Variants in PRICKLE2 observed in about 807,000 individuals in gnomAD.
PRICKLE2 encodes prickle planar cell polarity protein 2.
A neutral mutation model predicts 81.4 loss-of-function variants in PRICKLE2; 21 were observed. The observed-to-expected ratio is 0.26, with a 90% CI of 0.18 to 0.37. PRICKLE2 has a LOEUF of 0.37. PRICKLE2 is among the 10% of genes least tolerant of loss of function. The pLI is 1.00. For missense variants in PRICKLE2, 940 were observed against 1,109.0 expected, an observed-to-expected ratio of 0.85 and a Z score of 2.16; for synonymous variants, 456 against 421.5, an observed-to-expected ratio of 1.08 and a Z score of -1.00.
intron 2 of PRICKLE2, among the ~76,000 whole-genome samples, chr3:64,193,276 T>C (rs2078380699): frequency 6.6e-6 from 1 of 152,154 alleles, no homozygotes; most frequent in South Asian, 2.1e-4. Flanking sequence ...GGGTCCATTC[T>C]CCTTTGCACA....
rs557877956 is a variant in PRICKLE2, at chr3:64,219,283, C to T, written c.-41+5627G>A. On this transcript the variant is annotated intron_variant, in intron 1 of 7. Coordinates refer to ENST00000638394, the MANE Select transcript of PRICKLE2 (RefSeq NM_198859.4). ...ACATATAGATCACCTGATTTAGGAC[C>T]TTCATGTTCAAGATGAAAGAACTGA... Among the ~76,000 whole-genome samples, 14 of 152,276 alleles carry T rather than the reference C, an allele frequency of 9.2e-5. No individual in the cohort carries two copies. The South Asian group carries it at 2.9e-3, about 32-fold the overall frequency.
chr3:64,265,626 C>T (rs924728793), intron 2 of PRICKLE2, among the ~76,000 whole-genome samples: 6 of 152,250 alleles, frequency 3.9e-5, no homozygotes, highest in Non-Finnish European at 5.9e-5. Context: ...TGCCTCTTAC[C>T]GTCTTTTCAT....
chr3:64,151,910 C>T (rs1021823114), intron 6 of PRICKLE2, among the ~76,000 whole-genome samples: 10 of 152,196 alleles, frequency 6.6e-5, no homozygotes, highest in South Asian at 6.2e-4. Flanking sequence ...GGAAATTTGC[C>T]ATCACCTAAG....
chr3:64,173,963 G>A (rs1409717973), intron 2 of PRICKLE2, among the ~76,000 whole-genome samples: 1 of 152,090 alleles, frequency 6.6e-6, no homozygotes, highest in East Asian at 1.9e-4. Context: ...GTATTGGCAG[G>A]TGTTTTGTTT....
At chr3:64,264,487 C>G (rs1233873056) in intron 2 of PRICKLE2, among the ~76,000 whole-genome samples, 2 of 152,160 alleles carry the variant, frequency 1.3e-5, no homozygotes, top group Non-Finnish European at 2.9e-5. Flanking sequence ...TTGGCAAAAG[C>G]TCAGTAAGTT....
chr3:64,120,340 C>A (rs554493969), intron 7 of PRICKLE2, among the ~76,000 whole-genome samples: 1 of 152,244 alleles, frequency 6.6e-6, no homozygotes, highest in African/African-American at 2.4e-5. Flanking sequence ...GCTCTTTATA[C>A]TTTTTAAGAG....
intron 1 of PRICKLE2, among the ~76,000 whole-genome samples, chr3:64,212,270 A>G (rs1032527458): frequency 6.6e-6 from 1 of 152,166 alleles, no homozygotes; most frequent in Non-Finnish European, 1.5e-5. Context: ...CTCCTTCTAG[A>G]TATATTTCTC....
At chr3:64,228,603 C>T (rs1427100166), upstream of PRICKLE2, among the ~76,000 whole-genome samples, 7 of 151,428 alleles carry the variant, frequency 4.6e-5, no homozygotes, top group Non-Finnish European at 7.4e-5. Flanking sequence ...TTAAAAATTT[C>T]AGAGACTTAG....
intron 7 of PRICKLE2, among the ~76,000 whole-genome samples, chr3:64,129,113 G>C (rs2077161200): frequency 6.6e-6 from 1 of 152,138 alleles, no homozygotes; most frequent in Non-Finnish European, 1.5e-5. Context: ...TTGGGGCAGG[G>C]ATCAGGGCGT....
At chr3:64,133,614 G>A (rs974951821) in intron 7 of PRICKLE2, among the ~76,000 whole-genome samples, 3 of 152,140 alleles carry the variant, frequency 2.0e-5, no homozygotes, top group African/African-American at 4.8e-5. Flanking sequence ...ATCAGTGCAG[G>A]AAGGCTGAGC....
At chr3:64,209,629 C>T (rs904029791) in intron 1 of PRICKLE2, among the ~76,000 whole-genome samples, 10 of 152,210 alleles carry the variant, frequency 6.6e-5, no homozygotes, top group African/African-American at 2.4e-4. Flanking sequence ...CAACCAACTG[C>T]CCACCCACTC....
At chr3:64,243,118 G>A (rs1422400920) in intron 2 of PRICKLE2, among the ~76,000 whole-genome samples, 1 of 152,162 alleles carries the variant, frequency 6.6e-6, no homozygotes, top group Admixed American at 6.6e-5. Flanking sequence ...TGAAGTGCAT[G>A]TGTGCAAAAA....
chr3:64,238,610 C>T (rs1321414850), intron 2 of PRICKLE2, among the ~76,000 whole-genome samples: 1 of 152,076 alleles, frequency 6.6e-6, no homozygotes, highest in African/African-American at 2.4e-5. Flanking sequence ...GAGAAAAGGT[C>T]CCCTGCTGCC....
At chr3:64,217,853 A>G (rs1439086170) in intron 1 of PRICKLE2, among the ~76,000 whole-genome samples, 3 of 152,230 alleles carry the variant, frequency 2.0e-5, no homozygotes, top group Non-Finnish European at 4.4e-5. Flanking sequence ...CATTTATAAG[A>G]GTAAAGTCCA....
intron 7 of PRICKLE2, chr3:64,141,886 T>A: frequency 1.0e-6 from 1 of 984,542 alleles, no homozygotes. Flanking sequence ...AATCTAGCTT[T>A]ATCTGAAGGA....
chr3:64,101,495 C>G (rs1437738349), intron 7 of PRICKLE2: 4 of 152,160 alleles, frequency 2.6e-5, no homozygotes, highest in African/African-American at 9.7e-5. Context: ...CAGAAGGACA[C>G]AGGGCCTAAC....
intron 2 of PRICKLE2, among the ~76,000 whole-genome samples, chr3:64,263,216 A>G (rs141630851): frequency 2.2e-3 from 331 of 152,304 alleles, no homozygotes; most frequent in African/African-American, 7.7e-3. Flanking sequence ...AACATGAGTA[A>G]GTTTTCAAAA....
At chr3:64,198,195 G>C (rs1013871984) in intron 2 of PRICKLE2, among the ~76,000 whole-genome samples, 1 of 151,358 alleles carries the variant, frequency 6.6e-6, no homozygotes, top group African/African-American at 2.4e-5. Context: ...CTGGGCGACA[G>C]AGCGAGACTC....
intron 2 of PRICKLE2, among the ~76,000 whole-genome samples, chr3:64,260,395 C>T (rs528706137): frequency 7.2e-5 from 11 of 152,324 alleles, no homozygotes; most frequent in Non-Finnish European, 1.6e-4. Flanking sequence ...TGGTTCATTC[C>T]AAATCTAACA....
Sources: allele counts gnomAD v4.1 joint callset (sites outside exome capture counted in the v4.1 genomes callset), GRCh38; gene constraint gnomAD v4.1.1; transcripts MANE v1.5; gene names NCBI Gene and HGNC (gene_info 2026-07-23, HGNC 2026-07-21).